Variants in ANKRD61 observed in about 807,000 individuals in gnomAD.
ANKRD61 encodes ankyrin repeat domain-containing protein 61.
ANKRD61 carries 7 observed loss-of-function variants against 8.4 expected under a neutral mutation model. The ratio of observed to expected loss-of-function variants is 0.84; its 90% confidence interval spans 0.48 to 1.57. The LOEUF is 1.57. Among genes scored for constraint, ANKRD61 ranks in the 40% most tolerant of loss-of-function variants. ANKRD61 has a pLI of 0.00. For missense variants in ANKRD61, 516 were observed against 523.4 expected, an observed-to-expected ratio of 0.99 and a Z score of 0.14; for synonymous variants, 198 against 208.0, an observed-to-expected ratio of 0.95 and a Z score of 0.41.
In ANKRD61 at chr7:6,031,582, T is replaced by C. The variant is rs1333396462; in HGVS notation, c.207T>C (p.Leu69=). Residue 69 remains leucine, a synonymous_variant, in exon 1 of 3, where the codon CTT becomes CTC. Transcript: ENST00000409061. ...CCAACTCCGCCAGCAACAGATTACT[T>C]CTGACCCAGGTACCCTCTTTTCTGC... ...ILPNSASNRL[L]LTQPTESIIP... 1 of 1,550,770 alleles carries C rather than the reference T, an allele frequency of 6.4e-7. No homozygotes were observed. The highest frequency in any genetic ancestry group is 2.4e-5 in the East Asian group (1 of 40,914).
rs1023390634 is a variant in ANKRD61 at position 6,035,706 on chromosome 7, G to A, written c.577G>A (p.Asp193Asn). The change falls in exon 3 of 3, where the codon GAT becomes AAT. Residue 193 changes from aspartate (D) to asparagine (N), a missense_variant. Physicochemically the swap from Asp to Asn is conservative, Grantham distance 23. Coordinates refer to ENST00000409061, the MANE Select transcript of ANKRD61 (RefSeq NM_001271700.2). This position sits in a 1 kb window ranked among gnomAD's most constrained non-coding sequence, Gnocchi z 5.5. ...VLSILTQNGA[D>N]VNAINEASMT... is the part of the protein sequence containing the mutation. The stretch of plus-strand genomic sequence containing the variant: ...CTCCATTTTGACCCAAAATGGTGCC[G>A]ATGTCAATGCTATTAATGAAGCCAG... 7.1e-6 allele frequency: 11 copies of A among 1,550,578 alleles called. No individual in the cohort carries two copies. Among genetic ancestry groups the A allele is most frequent in the African/African-American group, 4.1e-5 (3 of 73,016 alleles).
rs747789558 is a variant in ANKRD61, at chr7:6,035,635, G to A, written c.506G>A (p.Arg169His). The A allele has an allele frequency of 1.8e-5, 28 of 1,550,454 alleles. No homozygotes were observed. The East Asian group carries it at 3.9e-4, about 22-fold the overall frequency. ...ACTCAAGGGGAAATCAGCAACAAAC[G>A]TTCACCACTCCACCTGGCCATAGCA... ...VNTQGEISNK[R>H]SPLHLAIAYG... The change falls in exon 3 of 3, where the codon CGT becomes CAT. Residue 169 changes from arginine to histidine, a missense_variant. By Grantham distance (29) the Arg-to-His change is conservative. Coordinates refer to ENST00000409061, the MANE Select transcript of ANKRD61 (RefSeq NM_001271700.2). This position sits in a 1 kb window ranked among gnomAD's most constrained non-coding sequence, Gnocchi z 5.5.
In ANKRD61 at chr7:6,036,113, G is replaced by C; in HGVS notation, c.984G>C (p.Thr328=). ...AGCGCAGTTGCAATGTAAGAGATAC[G>C]GCACTTCTGGCCAGGCTACTTTATC... ...YLQRSCNVRD[T]ALLARLLYHT... The change falls in exon 3 of 3, where the codon ACG becomes ACC. Residue 328 remains threonine (T), a synonymous_variant. Transcript: ENST00000409061. This position sits in a 1 kb window ranked among gnomAD's most constrained non-coding sequence, Gnocchi z 4.6. 3.2e-6 allele frequency: 5 copies of C among 1,550,688 alleles called. No individual in the cohort carries two copies. Among genetic ancestry groups the C allele is most frequent in the Non-Finnish European group, 4.4e-6 (5 of 1,147,030 alleles).
In ANKRD61 at chr7:6,035,125, C is replaced by T. The variant is rs1304938548; in HGVS notation, c.315-319C>T. 6.6e-6 allele frequency among the ~76,000 whole-genome samples: 1 copy of T among 151,858 alleles called. No individual in the cohort carries two copies. Among genetic ancestry groups the T allele is most frequent in the African/African-American group, 2.4e-5 (1 of 41,294 alleles). ...GGACACAGCCCTAGCGGGGACGGCA[C>T]AGGTAAAACAGGCTGCTCCAAGAAG... On this transcript the variant is annotated intron_variant, in intron 2 of 2. Transcript: ENST00000409061. The surrounding 1 kb of genome is among the most constrained non-coding windows in gnomAD (Gnocchi z 5.5).
chr7:6,034,742 C>T (rs149021316), intron 2 of ANKRD61, among the ~76,000 whole-genome samples: 15 of 152,272 alleles, frequency 9.9e-5, no homozygotes, highest in African/African-American at 3.6e-4. Context: ...ATAAACCTTC[C>T]TTTTGCTCTG....
In ANKRD61 at chr7:6,036,497, G is replaced by A; in HGVS notation, c.*111G>A. The A allele has an allele frequency of 1.6e-6, 1 of 622,714 alleles. No homozygotes were observed. The highest frequency in any genetic ancestry group is 1.8e-5 in the African/African-American group (1 of 54,366). The allele number at this position is 622,714 out of a possible 1,614,324, so 38.6% of individuals were successfully genotyped here. A position where few individuals can be genotyped will look rare whatever the true frequency, so the allele number is the denominator to read the frequency against. On this transcript the variant is annotated 3_prime_UTR_variant, in exon 3 of 3. Coordinates refer to ENST00000409061, the MANE Select transcript of ANKRD61 (RefSeq NM_001271700.2). This position sits in a 1 kb window ranked among gnomAD's most constrained non-coding sequence, Gnocchi z 4.6. ...ACCTATCACCTGTGACATCCCAAAT[G>A]TACAAACTACTGATTCTTGAACATG...
chr7:6,035,624 C>G lies in ANKRD61; in HGVS notation c.495C>G (p.Ile165Met), dbSNP rs1300398409. ...HGAQVNTQGEISNKRSPLHLA... is the reference protein window; with the variant it reads ...HGAQVNTQGEMSNKRSPLHLA... ...CTCAAGTGAACACTCAAGGGGAAATCAGCAACAAACGTTCACCACTCCACC... is the reference window on the plus strand; with the variant it reads ...CTCAAGTGAACACTCAAGGGGAAATGAGCAACAAACGTTCACCACTCCACC... The change falls in exon 3 of 3, where the codon ATC (isoleucine) becomes ATG (methionine). Residue 165 changes from isoleucine to methionine, a missense_variant. Transcript: ENST00000409061. The surrounding 1 kb of genome is among the most constrained non-coding windows in gnomAD (Gnocchi z 5.5). The G allele has an allele frequency of 1.3e-6, 2 of 1,550,846 alleles. No individual in the cohort carries two copies. Among genetic ancestry groups the G allele is most frequent in the South Asian group, 1.2e-5 (1 of 84,064 alleles).
chr7:6,034,425 C>T (rs190656550), intron 2 of ANKRD61, among the ~76,000 whole-genome samples: 166 of 152,262 alleles, frequency 1.1e-3, no homozygotes, highest in African/African-American at 3.6e-3. Context: ...TCTGCAAGTC[C>T]TCTGGAAGTC....
At position 6,036,147 on chromosome 7, in the gene ANKRD61, C is replaced by A. The variant is rs1251829339; in HGVS notation, c.1018C>A (p.Pro340Thr). Residue 340 changes from proline to threonine, a missense_variant, in exon 3 of 3, where the codon CCT becomes ACT. By Grantham distance (38) the Pro-to-Thr change is conservative. Coordinates refer to ENST00000409061, the MANE Select transcript of ANKRD61 (RefSeq NM_001271700.2). This position sits in a 1 kb window ranked among gnomAD's most constrained non-coding sequence, Gnocchi z 4.6. ...LLARLLYHTY[P>T]LRMTNNQGIL... Reference sequence around the variant, plus strand: ...GGCCAGGCTACTTTATCACACTTATCCTCTGAGAATGACCAATAACCAAGG... The same window carrying A: ...GGCCAGGCTACTTTATCACACTTATACTCTGAGAATGACCAATAACCAAGG... 1 of 1,550,314 alleles carries A rather than the reference C, an allele frequency of 6.5e-7. No individual in the cohort carries two copies.
In ANKRD61 at chr7:6,036,250, T is replaced by C. The variant is rs1178898490; in HGVS notation, c.1121T>C (p.Leu374Ser). 6.5e-6 allele frequency: 10 copies of C among 1,550,126 alleles called. No individual in the cohort carries two copies. The highest frequency in any genetic ancestry group is 8.7e-6 in the Non-Finnish European group (10 of 1,146,940). The change falls in exon 3 of 3, where the codon TTA becomes TCA. Residue 374 changes from leucine (L) to serine (S), a missense_variant. Leu to Ser is a moderately radical substitution (Grantham distance 145). Coordinates refer to ENST00000409061, the MANE Select transcript of ANKRD61 (RefSeq NM_001271700.2). This position sits in a 1 kb window ranked among gnomAD's most constrained non-coding sequence, Gnocchi z 4.6. The part of the protein sequence containing the change: ...DTLIKQSQKP[L>S]SLQGICKRNI... ...CTAATAAAGCAATCGCAAAAACCTTTATCCCTACAGGGTATCTGCAAAAGA... is the reference window on the plus strand; with the variant it reads ...CTAATAAAGCAATCGCAAAAACCTTCATCCCTACAGGGTATCTGCAAAAGA...
chr7:6,035,588 T>C lies in ANKRD61; in HGVS notation c.459T>C (p.Cys153=). 2 of 1,551,140 alleles carry C rather than the reference T, an allele frequency of 1.3e-6. No homozygotes were observed. The highest frequency in any genetic ancestry group is 1.7e-6 in the Non-Finnish European group (2 of 1,147,088). ...GCATCACATGTCTCCGCATCTTGTGTGCGCACGGAGCTCAAGTGAACACTC... is the reference window on the plus strand; with the variant it reads ...GCATCACATGTCTCCGCATCTTGTGCGCGCACGGAGCTCAAGTGAACACTC... The part of the protein sequence containing the change: ...NSSITCLRIL[C]AHGAQVNTQG... Residue 153 remains cysteine, a synonymous_variant, in exon 3 of 3, where the codon TGT becomes TGC. Coordinates refer to ENST00000409061, the MANE Select transcript of ANKRD61 (RefSeq NM_001271700.2). The surrounding 1 kb of genome is among the most constrained non-coding windows in gnomAD (Gnocchi z 5.5).
chr7:6,036,525 C>G lies in ANKRD61; in HGVS notation c.*139C>G, dbSNP rs1157630884. On this transcript the variant is annotated 3_prime_UTR_variant, in exon 3 of 3. Coordinates refer to ENST00000409061, the MANE Select transcript of ANKRD61 (RefSeq NM_001271700.2). The surrounding 1 kb of genome is among the most constrained non-coding windows in gnomAD (Gnocchi z 4.6). ...CAAACTACTGATTCTTGAACATGTT[C>G]CAAAATACAAAGTGATTTGTCTATT... 1 of 519,782 alleles carries G rather than the reference C, an allele frequency of 1.9e-6. No homozygotes were observed. The highest frequency in any genetic ancestry group is 1.9e-5 in the African/African-American group (1 of 51,312). 32.2% of individuals were successfully genotyped at this position (519,782 alleles called of 1,614,324 possible).
rs1176602756 is a variant in ANKRD61, at chr7:6,032,209, T to C, written c.216+618T>C. On this transcript the variant is annotated intron_variant, in intron 1 of 2. Coordinates refer to ENST00000409061, the MANE Select transcript of ANKRD61 (RefSeq NM_001271700.2). This position sits in a 1 kb window ranked among gnomAD's most constrained non-coding sequence, Gnocchi z 4.3. ...AAACAAAAAATAGTTTTTCCCTTTT[T>C]AATATATACATTTTCATTTTCTAAA... Among the ~76,000 whole-genome samples the C allele has an allele frequency of 6.6e-6, 1 of 152,150 alleles. No individual in the cohort carries two copies. Among genetic ancestry groups the C allele is most frequent in the East Asian group, 1.9e-4 (1 of 5,192 alleles).
chr7:6,035,767 ATAAGGAG>A lies in ANKRD61; in HGVS notation c.639_645del (p.Asn213LysfsTer2). 1 of 1,551,180 alleles carries A rather than the reference ATAAGGAG, an allele frequency of 6.4e-7. No individual in the cohort carries two copies. On this transcript the variant is annotated frameshift_variant, in exon 3 of 3. Transcript: ENST00000409061. LOFTEE classifies it low-confidence loss of function (END_TRUNC). This position sits in a 1 kb window ranked among gnomAD's most constrained non-coding sequence, Gnocchi z 5.5. ...CTTCACATGGCCGCAAACATGCTGAATAAGGAGATGATGGAAACGCTCATTGCCTATG... is the reference window on the plus strand; with the variant it reads ...CTTCACATGGCCGCAAACATGCTGAAATGATGGAAACGCTCATTGCCTATG...
In ANKRD61 at chr7:6,036,160, C is replaced by G. The variant is rs956752262; in HGVS notation, c.1031C>G (p.Thr344Ser). The change falls in exon 3 of 3, where the codon ACC becomes AGC. Residue 344 changes from threonine to serine, a missense_variant. Coordinates refer to ENST00000409061, the MANE Select transcript of ANKRD61 (RefSeq NM_001271700.2). This position sits in a 1 kb window ranked among gnomAD's most constrained non-coding sequence, Gnocchi z 4.6. Reference protein sequence around the residue: ...LLYHTYPLRMTNNQGILPAGI... With the variant: ...LLYHTYPLRMSNNQGILPAGI... ...TATCACACTTATCCTCTGAGAATGA[C>G]CAATAACCAAGGAATTCTACCTGCA... 8.4e-6 allele frequency: 13 copies of G among 1,550,002 alleles called. No individual in the cohort carries two copies. The Admixed American group carries it at 2.6e-4, about 30-fold the overall frequency.
rs1449040709 is a variant in ANKRD61, at chr7:6,033,084, TC to T, written c.314+149del. On this transcript the variant is annotated intron_variant, in intron 2 of 2. Transcript: ENST00000409061. The surrounding 1 kb of genome is among the most constrained non-coding windows in gnomAD (Gnocchi z 4.4). ...CCTGGGTTCAAGAGCTTCTCCCACCTCAGCCTCCCGAGTAGCTGGGATTACA... is the reference window on the plus strand; with the variant it reads ...CCTGGGTTCAAGAGCTTCTCCCACCTAGCCTCCCGAGTAGCTGGGATTACA... 2 of 600,180 alleles carry T rather than the reference TC, an allele frequency of 3.3e-6. No individual in the cohort carries two copies. The highest frequency in any genetic ancestry group is 5.6e-6 in the Non-Finnish European group (2 of 354,142). The allele number at this position is 600,180 out of a possible 1,614,324, so 37.2% of individuals were successfully genotyped here. A position where few individuals can be genotyped will look rare whatever the true frequency, so the allele number is the denominator to read the frequency against.
Position 6,036,519 on chromosome 7 carries a change from C to A in ANKRD61, c.*133C>A. The A allele has an allele frequency of 5.6e-6, 3 of 540,162 alleles. No individual in the cohort carries two copies. Among genetic ancestry groups the A allele is most frequent in the Non-Finnish European group, 8.8e-6 (3 of 339,674 alleles). 33.5% of individuals were successfully genotyped at this position (540,162 alleles called of 1,614,324 possible). A position where few individuals can be genotyped will look rare whatever the true frequency, so the allele number is the denominator to read the frequency against. On this transcript the variant is annotated 3_prime_UTR_variant, in exon 3 of 3. Coordinates refer to ENST00000409061, the MANE Select transcript of ANKRD61 (RefSeq NM_001271700.2). The surrounding 1 kb of genome is among the most constrained non-coding windows in gnomAD (Gnocchi z 4.6). ...AATGTACAAACTACTGATTCTTGAA[C>A]ATGTTCCAAAATACAAAGTGATTTG... is the stretch of plus-strand genomic sequence containing the variant.
At position 6,031,397 on chromosome 7, in the gene ANKRD61, G is replaced by C; in HGVS notation, c.22G>C (p.Gly8Arg). The C allele has an allele frequency of 6.4e-7, 1 of 1,550,742 alleles. No homozygotes were observed. Among genetic ancestry groups the C allele is most frequent in the Non-Finnish European group, 8.7e-7 (1 of 1,147,024 alleles). The change falls in exon 1 of 3, where the codon GGA (glycine) becomes CGA (arginine). Residue 8 changes from glycine (G) to arginine (R), a missense_variant. Coordinates refer to ENST00000409061, the MANE Select transcript of ANKRD61 (RefSeq NM_001271700.2). ...TCTCATGGGGAATATAACCAGGAAA[G>C]GAAGCAGAGACCTGGTGGTTGACAG... Reference protein sequence around the residue: MGNITRKGSRDLVVDSAK... With the variant: MGNITRKRSRDLVVDSAK...
In ANKRD61 at chr7:6,032,175, C is replaced by T. The variant is rs1787931578; in HGVS notation, c.216+584C>T. ...TGGATGACAGAGCAAGACTCCATCT[C>T]AAACAAACAAACAAAAAATAGTTTT... On this transcript the variant is annotated intron_variant, in intron 1 of 2. Transcript: ENST00000409061. This position sits in a 1 kb window ranked among gnomAD's most constrained non-coding sequence, Gnocchi z 4.3. Among the ~76,000 whole-genome samples the T allele has an allele frequency of 6.6e-6, 1 of 152,116 alleles. No individual in the cohort carries two copies. The highest frequency in any genetic ancestry group is 1.5e-5 in the Non-Finnish European group (1 of 68,022).
Sources: allele counts gnomAD v4.1 joint callset (sites outside exome capture counted in the v4.1 genomes callset), GRCh38; gene constraint gnomAD v4.1.1; non-coding constraint Gnocchi (gnomAD v3.1); transcripts MANE v1.5; gene names NCBI Gene and HGNC (gene_info 2026-07-23, HGNC 2026-07-21).